The following ITGA1 variants were observed in gnomAD, a reference collection of about 807,000 sequenced individuals.
ITGA1 encodes integrin subunit alpha 1.
In ITGA1, 85 loss-of-function variants were observed where a neutral mutation model predicts 145.9. That is an observed-to-expected ratio of 0.58 (90% CI 0.49 to 0.70). The LOEUF (loss-of-function observed/expected upper bound fraction) is 0.70, where lower values mean the gene tolerates loss of function less well. ITGA1 is among the 30% of genes least tolerant of loss of function. ITGA1 has a pLI of 0.00. For synonymous variants in ITGA1, 520 were observed against 495.3 expected (o/e 1.05, Z -0.66); for missense variants, 1,351 against 1,418.7 (o/e 0.95, Z 0.77).
intron 1 of ITGA1, among the ~76,000 whole-genome samples, chr5:52,839,686 C>T (rs1043293746): frequency 2.0e-5 from 3 of 152,078 alleles, no homozygotes; most frequent in Admixed American, 2.0e-4. Context: ...ATTGCCAATC[C>T]TATGGTTATT....
intron 1 of ITGA1, among the ~76,000 whole-genome samples, chr5:52,816,918 A>G (rs1274090662): frequency 6.6e-6 from 1 of 152,160 alleles, no homozygotes; most frequent in African/African-American, 2.4e-5. Flanking sequence ...TTGCAGTAAT[A>G]TTTTCAAGTG....
chr5:52,843,468 A>C (rs1269354513), intron 1 of ITGA1, among the ~76,000 whole-genome samples: 1 of 152,140 alleles, frequency 6.6e-6, no homozygotes, highest in Non-Finnish European at 1.5e-5. Context: ...GGGATTTCTG[A>C]CCCACCTAGT....
intron 23 of ITGA1, among the ~76,000 whole-genome samples, chr5:52,934,370 T>C (rs907019182): frequency 2.1e-4 from 32 of 151,802 alleles, no homozygotes; most frequent in Non-Finnish European, 3.5e-4. Context: ...CATTATTTTA[T>C]CAGTGTGACT....
rs1749966261 is a variant in ITGA1 at position 52,881,891 on chromosome 5, G to A, written c.643G>A (p.Gly215Arg). 3 of 1,613,354 alleles carry A rather than the reference G, an allele frequency of 1.9e-6. No individual in the cohort carries two copies. Among genetic ancestry groups the A allele is most frequent in the Non-Finnish European group, 2.5e-6 (3 of 1,179,698 alleles). Reference protein sequence around the residue: ...KQTQVGIVQYGENVTHEFNLN... With the variant: ...KQTQVGIVQYRENVTHEFNLN... ...ATTTCAGGTTGGAATTGTACAGTATGGAGAAAACGTGACCCATGAGTTCAA... is the reference window on the plus strand; with the variant it reads ...ATTTCAGGTTGGAATTGTACAGTATAGAGAAAACGTGACCCATGAGTTCAA... Residue 215 changes from glycine (G) to arginine (R), a missense_variant, in exon 7 of 29, where the codon GGA becomes AGA. Physicochemically the swap from Gly to Arg is moderately radical, Grantham distance 125 (BLOSUM62 -2). Coordinates refer to ENST00000282588, the MANE Select transcript of ITGA1 (RefSeq NM_181501.2).
At chr5:52,902,935 A>G (rs1750339656) in intron 11 of ITGA1, 1 of 151,912 alleles carries the variant, frequency 6.6e-6, no homozygotes. Context: ...AATATTTATA[A>G]TTATTTTCCT....
intron 15 of ITGA1, among the ~76,000 whole-genome samples, chr5:52,917,621 G>A (rs973990835): frequency 2.2e-4 from 30 of 137,278 alleles, no homozygotes; most frequent in Non-Finnish European, 4.0e-4. Context: ...GTAAATATTG[G>A]AAAGCTGTTC....
intron 1 of ITGA1, chr5:52,799,976 T>C: frequency 4.3e-6 from 1 of 230,848 alleles, no homozygotes; most frequent in South Asian, 5.2e-5. Flanking sequence ...AGGGAGTTCA[T>C]TCGTCCGGAG....
intron 1 of ITGA1, among the ~76,000 whole-genome samples, chr5:52,817,914 A>C (rs1279045823): frequency 6.6e-6 from 1 of 152,312 alleles, no homozygotes; most frequent in East Asian, 1.9e-4. Flanking sequence ...TGGCCACACA[A>C]GCTCTGTAGT....
At chr5:52,800,053 G>T (rs1748426573) in intron 1 of ITGA1, 1 of 319,732 alleles carries the variant, frequency 3.1e-6, no homozygotes, top group South Asian at 3.3e-5. Context: ...GGGGACGGGA[G>T]ACGTGCGTCG....
intron 8 of ITGA1, among the ~76,000 whole-genome samples, chr5:52,891,017 T>C (rs1170359461): frequency 6.6e-6 from 1 of 152,172 alleles, no homozygotes; most frequent in Non-Finnish European, 1.5e-5. Context: ...TTTAATATAA[T>C]GTTCTTCAGT....
intron 1 of ITGA1, among the ~76,000 whole-genome samples, chr5:52,810,886 G>A (rs1216375837): frequency 6.6e-6 from 1 of 152,204 alleles, no homozygotes; most frequent in Non-Finnish European, 1.5e-5. Context: ...AGGAAATGTG[G>A]AGAAGGTCAA....
At chr5:52,908,376 A>G (rs377668975) in intron 12 of ITGA1, among the ~76,000 whole-genome samples, 1 of 152,160 alleles carries the variant, frequency 6.6e-6, no homozygotes. Flanking sequence ...TACCCCTGCA[A>G]TCCTTCCATA....
intron 14 of ITGA1, among the ~76,000 whole-genome samples, chr5:52,912,161 A>G (rs1016966048): frequency 3.5e-5 from 5 of 143,614 alleles, no homozygotes; most frequent in Admixed American, 2.8e-4. Context: ...TATGCTATAT[A>G]TAGCGTATCT....
chr5:52,858,672 A>C (rs1458805162), intron 2 of ITGA1, among the ~76,000 whole-genome samples: 1 of 152,204 alleles, frequency 6.6e-6, no homozygotes, highest in Non-Finnish European at 1.5e-5. Flanking sequence ...TTTACAACTG[A>C]AAATATTAGG....
At chr5:52,868,026 C>T (rs1749715697) in intron 6 of ITGA1, among the ~76,000 whole-genome samples, 1 of 152,086 alleles carries the variant, frequency 6.6e-6, no homozygotes, top group African/African-American at 2.4e-5. Context: ...ACTGCCTGGA[C>T]TAATACCTTA....
chr5:52,852,625 A>C (rs1749447146), intron 2 of ITGA1, among the ~76,000 whole-genome samples: 1 of 152,172 alleles, frequency 6.6e-6, no homozygotes, highest in Non-Finnish European at 1.5e-5. Context: ...TCTATTTTTA[A>C]ATAGCTCCAG....
At chr5:52,911,461 G>A (rs1207327947) in intron 14 of ITGA1, among the ~76,000 whole-genome samples, 7 of 129,092 alleles carry the variant, frequency 5.4e-5, no homozygotes, top group East Asian at 2.3e-4. Context: ...TATATATAGT[G>A]TATCTAGTAT....
chr5:52,809,510 T>C (rs1580038200), intron 1 of ITGA1, among the ~76,000 whole-genome samples: 1 of 150,754 alleles, frequency 6.6e-6, no homozygotes, highest in African/African-American at 2.4e-5. Context: ...TACTTTTTTT[T>C]TTTTTTTTTT....
At chr5:52,910,605 T>C (rs1239624600) in intron 14 of ITGA1, among the ~76,000 whole-genome samples, 186 bp downstream of exon 14, 3 of 149,316 alleles carry the variant, frequency 2.0e-5, no homozygotes, top group African/African-American at 7.4e-5. Context: ...ACAAACAAAC[T>C]ATAAATATAC....
Sources: gnomAD v4.1 joint callset for allele counts (sites outside exome capture counted in the v4.1 genomes callset) on GRCh38, gnomAD v4.1.1 for gene constraint, MANE v1.5 for transcripts, NCBI Gene and HGNC (gene_info 2026-07-23, HGNC 2026-07-21) for gene names.